Variants in NAALADL2 observed in about 807,000 individuals in gnomAD.
The protein encoded by NAALADL2 is N-acetylated alpha-linked acidic dipeptidase like 2.
Under a neutral mutation model 87.2 loss-of-function variants are expected in NAALADL2, and 76 were observed. The observed-to-expected ratio is 0.87, with a 90% confidence interval of 0.72 to 1.05. NAALADL2 has a LOEUF of 1.05. NAALADL2 is among the 50% of genes least tolerant of loss of function. The pLI is 0.00. For synonymous variants in NAALADL2, 354 were observed against 331.0 expected (o/e 1.07, Z -0.75); for missense variants, 1,089 against 945.8 (o/e 1.15, Z -1.99).
chr3:174,913,656 G>T (rs528320428), intron 1 of NAALADL2, among the ~76,000 whole-genome samples: 1 of 152,094 alleles, frequency 6.6e-6, no homozygotes, highest in East Asian at 1.9e-4. Flanking sequence ...TTATTTTACC[G>T]ATTTGGTTAT....
intron 1 of NAALADL2, among the ~76,000 whole-genome samples, chr3:174,932,683 A>G (rs1186160119): frequency 6.6e-6 from 1 of 152,176 alleles, no homozygotes; most frequent in Non-Finnish European, 1.5e-5. Context: ...TACCATATAG[A>G]GTTCTTCATT....
At chr3:175,129,540 A>C (rs1167537373) in intron 2 of NAALADL2, among the ~76,000 whole-genome samples, 1 of 152,170 alleles carries the variant, frequency 6.6e-6, no homozygotes, top group Non-Finnish European at 1.5e-5. Flanking sequence ...GACTTGGTAG[A>C]GTCTGCATAA....
intron 2 of NAALADL2, among the ~76,000 whole-genome samples, chr3:174,566,583 C>T (rs1044940653): frequency 2.0e-5 from 3 of 151,574 alleles, no homozygotes; most frequent in Non-Finnish European, 4.4e-5. Flanking sequence ...CTCCACTTCT[C>T]GTTCTCTGTT....
chr3:175,718,788 A>G (rs1383956713), intron 11 of NAALADL2: 2 of 740,542 alleles, frequency 2.7e-6, no homozygotes, highest in East Asian at 2.7e-5. Context: ...TTAGCCAAGC[A>G]TGGTGACGCA....
intron 11 of NAALADL2, among the ~76,000 whole-genome samples, chr3:175,645,480 G>A (rs1317952119): frequency 6.6e-5 from 10 of 152,068 alleles, no homozygotes; most frequent in South Asian, 2.1e-4. Flanking sequence ...CCAAGGCTCC[G>A]GGGAGTCCTA....
intron 2 of NAALADL2, among the ~76,000 whole-genome samples, chr3:174,661,679 T>A (rs569100248): frequency 6.6e-6 from 1 of 152,278 alleles, no homozygotes; most frequent in South Asian, 2.1e-4. Flanking sequence ...CACCCAAATA[T>A]TGAACATTGT....
intron 4 of NAALADL2, among the ~76,000 whole-genome samples, chr3:175,261,674 CT>C (rs961243359): frequency 6.6e-6 from 1 of 151,890 alleles, no homozygotes; most frequent in African/African-American, 2.4e-5. Context: ...TTCTTATATA[CT>C]TTTTTATCCT....
intron 9 of NAALADL2, among the ~76,000 whole-genome samples, chr3:175,500,096 A>G (rs1187528202): frequency 6.6e-6 from 1 of 152,012 alleles, no homozygotes; most frequent in Non-Finnish European, 1.5e-5. Context: ...CCCATGCATG[A>G]CCCTCTGCTA....
chr3:175,314,682 ATATATATATATATATATAT>A (rs1758850435), intron 4 of NAALADL2, among the ~76,000 whole-genome samples: 1 of 22,482 alleles, frequency 4.4e-5, no homozygotes, highest in Admixed American at 4.1e-4. Context: ...ATATATATAT[ATATATATATATATATATAT>A]ATATATATAT....
At position 175,173,292 on chromosome 3, in the gene NAALADL2, AAAAT is replaced by A. The variant is rs200798533; in HGVS notation, c.546-60623_546-60620del. Among the ~76,000 whole-genome samples the A allele has an allele frequency of 1.8e-3, 251 of 138,616 alleles. 2 individuals carry two copies. The highest frequency in any genetic ancestry group is 3.9e-3 in the African/African-American group (145 of 37,388). 90.9% of individuals were successfully genotyped at this position (138,616 alleles called of 152,430 possible). On this transcript the variant is annotated intron_variant, in intron 2 of 13. Coordinates refer to ENST00000454872, the MANE Select transcript of NAALADL2 (RefSeq NM_207015.3). ...TGGTGACACAGCGAGACTCCGTTTC[AAAAT>A]AAATAAATAAATAAAATAAATAAAT...
chr3:175,352,818 A>ATGGGTG (rs763530617), intron 5 of NAALADL2, among the ~76,000 whole-genome samples: 7 of 152,082 alleles, frequency 4.6e-5, no homozygotes, highest in East Asian at 1.9e-4. Flanking sequence ...GGGTATGGGT[A>ATGGGTG]TGGGTGTGGG....
intron 2 of NAALADL2, among the ~76,000 whole-genome samples, chr3:174,621,318 C>G (rs1373176487): frequency 6.6e-6 from 1 of 151,554 alleles, no homozygotes; most frequent in African/African-American, 2.4e-5. Context: ...AGTCTGCTTT[C>G]AAGGAAAAAA....
At chr3:174,902,382 A>C (rs971442302) in intron 1 of NAALADL2, among the ~76,000 whole-genome samples, 2 of 152,136 alleles carry the variant, frequency 1.3e-5, no homozygotes, top group African/African-American at 4.8e-5. Context: ...ATTCTGGCTC[A>C]TTGTAAATCT....
At chr3:174,644,170 T>A (rs934414392) in intron 2 of NAALADL2, among the ~76,000 whole-genome samples, 1 of 152,206 alleles carries the variant, frequency 6.6e-6, no homozygotes, top group African/African-American at 2.4e-5. Context: ...TAGACAAAGA[T>A]AAAGGATGCA....
chr3:174,452,062 C>T (rs912480436), intron 1 of NAALADL2, among the ~76,000 whole-genome samples: 6 of 151,516 alleles, frequency 4.0e-5, no homozygotes, highest in African/African-American at 9.7e-5. Flanking sequence ...AGGCTGGTCT[C>T]GAACTCCTGG....
intron 5 of NAALADL2, among the ~76,000 whole-genome samples, chr3:175,339,785 A>G (rs1056486926): frequency 6.6e-6 from 1 of 152,184 alleles, no homozygotes; most frequent in Non-Finnish European, 1.5e-5. Context: ...TCCATTACCT[A>G]TCTGGATAGA....
rs143588604 is a variant in NAALADL2 at position 175,140,855 on chromosome 3, A to C, written c.545+43564A>C. Among the ~76,000 whole-genome samples the C allele has an allele frequency of 6.5e-3, 990 of 152,252 alleles. 11 individuals carry two copies. The highest frequency in any genetic ancestry group is 0.023 in the African/African-American group (940 of 41,556). On this transcript the variant is annotated intron_variant, in intron 2 of 13. Coordinates refer to ENST00000454872, the MANE Select transcript of NAALADL2 (RefSeq NM_207015.3). ...AATATGTATATAGGTGTGGTGACACAAGTTGAGCATGATCCTGTCTCATAT... is the reference window on the plus strand; with the variant it reads ...AATATGTATATAGGTGTGGTGACACCAGTTGAGCATGATCCTGTCTCATAT...
At chr3:175,301,640 A>C (rs1279530325) in intron 4 of NAALADL2, among the ~76,000 whole-genome samples, 2 of 152,210 alleles carry the variant, frequency 1.3e-5, no homozygotes, top group Non-Finnish European at 2.9e-5. Context: ...AATTACTGAA[A>C]TACAGAATTT....
At chr3:175,308,804 A>G (rs1197833414) in intron 4 of NAALADL2, among the ~76,000 whole-genome samples, 1 of 152,224 alleles carries the variant, frequency 6.6e-6, no homozygotes, top group Non-Finnish European at 1.5e-5. Context: ...CTGGTAATCT[A>G]TAAACTATAC....
Sources: gnomAD v4.1 joint callset for allele counts (sites outside exome capture counted in the v4.1 genomes callset) on GRCh38, gnomAD v4.1.1 for gene constraint, MANE v1.5 for transcripts, NCBI Gene and HGNC (gene_info 2026-07-23, HGNC 2026-07-21) for gene names.